Variants in MDGA2 observed in about 807,000 individuals in gnomAD.
MDGA2 encodes the protein MAM domain containing glycosylphosphatidylinositol anchor 2, also known as MAM domain-containing glycosylphosphatidylinositol anchor protein 2.
A neutral mutation model predicts 117.8 loss-of-function variants in MDGA2; 40 were observed. The observed-to-expected ratio is 0.34, with a 90% CI of 0.26 to 0.44. The LOEUF (loss-of-function observed/expected upper bound fraction) is 0.44. Among genes scored for constraint, MDGA2 ranks in the 20% least tolerant of loss-of-function variants. MDGA2 has a pLI of 1.00. For synonymous variants in MDGA2, 452 were observed against 439.0 expected (o/e 1.03, Z -0.37); for missense variants, 1,123 against 1,250.6 (o/e 0.90, Z 1.54).
At chr14:47,149,905 T>C (rs1436099834) in intron 3 of MDGA2, among the ~76,000 whole-genome samples, 3 of 152,310 alleles carry the variant, frequency 2.0e-5, no homozygotes, top group Non-Finnish European at 2.9e-5. Context: ...TCTAGCTCCA[T>C]ACATACTTCC....
intron 1 of MDGA2, among the ~76,000 whole-genome samples, chr14:47,477,660 G>A (rs1253033497): frequency 6.6e-6 from 1 of 152,116 alleles, no homozygotes; most frequent in African/African-American, 2.4e-5. Context: ...TTGACCAAAG[G>A]CCCTCCAGCA....
At chr14:47,384,954 T>C (rs1891724523) in intron 1 of MDGA2, among the ~76,000 whole-genome samples, 1 of 152,178 alleles carries the variant, frequency 6.6e-6, no homozygotes, top group African/African-American at 2.4e-5. Flanking sequence ...TTCAAATTTG[T>C]CTTGCCAGGG....
At chr14:47,056,510 C>T (rs148265664) in intron 7 of MDGA2, among the ~76,000 whole-genome samples, 1 of 152,130 alleles carries the variant, frequency 6.6e-6, no homozygotes, top group African/African-American at 2.4e-5. Flanking sequence ...GAAAAAAGAT[C>T]ATCAAAATCT....
chr14:47,159,042 G>A (rs1883525175), intron 3 of MDGA2, among the ~76,000 whole-genome samples: 1 of 152,194 alleles, frequency 6.6e-6, no homozygotes, highest in Admixed American at 6.5e-5. Context: ...TTGTAGGGAA[G>A]GAGGGATAAA....
intron 1 of MDGA2, among the ~76,000 whole-genome samples, chr14:47,549,882 C>A (rs1895547184): frequency 6.6e-6 from 1 of 152,150 alleles, no homozygotes; most frequent in Non-Finnish European, 1.5e-5. Flanking sequence ...TATGCTGCAC[C>A]CTGATCTGCG....
intron 1 of MDGA2, among the ~76,000 whole-genome samples, chr14:47,527,692 T>C (rs935581359): frequency 6.6e-6 from 1 of 152,164 alleles, no homozygotes; most frequent in Non-Finnish European, 1.5e-5. Flanking sequence ...GCAGCAAGAA[T>C]TTCTTAGAAA....
intron 5 of MDGA2, among the ~76,000 whole-genome samples, chr14:47,125,283 T>G (rs1315893414): frequency 6.6e-6 from 1 of 152,144 alleles, no homozygotes; most frequent in Non-Finnish European, 1.5e-5. Flanking sequence ...TTTTGTATTT[T>G]GTTTCATGCC....
chr14:47,194,001 A>T (rs1885201811), intron 3 of MDGA2, among the ~76,000 whole-genome samples: 1 of 152,216 alleles, frequency 6.6e-6, no homozygotes, highest in Non-Finnish European at 1.5e-5. Context: ...CTTTAGCACA[A>T]GTAACTCAAA....
intron 1 of MDGA2, among the ~76,000 whole-genome samples, chr14:47,460,080 A>C (rs1241494518): frequency 6.6e-6 from 1 of 152,172 alleles, no homozygotes; most frequent in Non-Finnish European, 1.5e-5. Context: ...ATCTGATTCT[A>C]ATATTTAACG....
intron 1 of MDGA2, among the ~76,000 whole-genome samples, chr14:47,557,017 C>G (rs1895696857): frequency 6.6e-6 from 1 of 152,214 alleles, no homozygotes; most frequent in Admixed American, 6.5e-5. Flanking sequence ...CTCTCTGACA[C>G]TAGCCTCAGC....
At position 47,458,496 on chromosome 14, in the gene MDGA2, G is replaced by A. The variant is rs113128589; in HGVS notation, c.281-156946C>T. ...AGAGGGTAAACTGGTGGTTACAAAG[G>A]ACTGCGGTGAGGGGGAAATGGAGAG... On this transcript the variant is annotated intron_variant, in intron 1 of 16. Transcript: ENST00000399232. Among the ~76,000 whole-genome samples the A allele has an allele frequency of 2.8e-3, 432 of 152,234 alleles. 4 individuals carry two copies. The highest frequency in any genetic ancestry group is 9.8e-3 in the African/African-American group (406 of 41,542).
chr14:47,107,854 T>C (rs1463062278), intron 5 of MDGA2, among the ~76,000 whole-genome samples: 2 of 151,510 alleles, frequency 1.3e-5, no homozygotes, highest in East Asian at 1.9e-4. Context: ...GCTTTAATAC[T>C]TTTAGAGGCC....
At chr14:47,631,642 T>C (rs1897250232) in intron 1 of MDGA2, among the ~76,000 whole-genome samples, 1 of 152,184 alleles carries the variant, frequency 6.6e-6, no homozygotes, top group Non-Finnish European at 1.5e-5. Flanking sequence ...ACCCAATATC[T>C]CTCCTATCAG....
At chr14:46,990,900 A>C (rs1031880348) in intron 8 of MDGA2, among the ~76,000 whole-genome samples, 7 of 89,306 alleles carry the variant, frequency 7.8e-5, no homozygotes, top group African/African-American at 1.3e-4. Context: ...ACACACACAC[A>C]CCCCGCGTAA....
At chr14:47,467,307 G>A (rs1372127624) in intron 1 of MDGA2, among the ~76,000 whole-genome samples, 2 of 152,060 alleles carry the variant, frequency 1.3e-5, no homozygotes, top group African/African-American at 4.8e-5. Flanking sequence ...AGATTGCTAT[G>A]CTAGAATGCA....
intron 8 of MDGA2, among the ~76,000 whole-genome samples, chr14:46,998,429 T>C (rs1887379969): frequency 6.6e-6 from 1 of 152,140 alleles, no homozygotes; most frequent in African/African-American, 2.4e-5. Context: ...TTTAGAAATA[T>C]ATTATCTGGA....
chr14:46,903,069 G>T (rs1332475867), intron 10 of MDGA2, among the ~76,000 whole-genome samples: 1 of 152,184 alleles, frequency 6.6e-6, no homozygotes, highest in Non-Finnish European at 1.5e-5. Flanking sequence ...CTGTGCTGTG[G>T]CCTGTTATTC....
chr14:47,348,767 T>G (rs1890817060), intron 1 of MDGA2, among the ~76,000 whole-genome samples: 1 of 152,114 alleles, frequency 6.6e-6, no homozygotes, highest in African/African-American at 2.4e-5. Context: ...TAGAAATTGG[T>G]GGCAAGAACT....
At chr14:46,872,881 T>C (rs1162483893) in intron 14 of MDGA2, among the ~76,000 whole-genome samples, 2 of 151,922 alleles carry the variant, frequency 1.3e-5, no homozygotes, top group African/African-American at 4.8e-5. Context: ...TCTTATCCTC[T>C]ATTACTGTAC....
Sources: gnomAD v4.1 joint callset for allele counts (sites outside exome capture counted in the v4.1 genomes callset) on GRCh38, gnomAD v4.1.1 for gene constraint, MANE v1.5 for transcripts, NCBI Gene and HGNC (gene_info 2026-07-23, HGNC 2026-07-21) for gene names.